SIPA1L3: variants seen among roughly 807,000 people sequenced by gnomAD.
The protein encoded by SIPA1L3 is signal-induced proliferation-associated 1-like protein 3.
A neutral mutation model predicts 150.1 loss-of-function variants in SIPA1L3; 59 were observed. The ratio of observed to expected loss-of-function variants is 0.39; its 90% CI spans 0.32 to 0.49. The LOEUF is 0.49. Among genes scored for constraint, SIPA1L3 ranks in the 20% least tolerant of loss-of-function variants. SIPA1L3 has a pLI of 0.86. For missense variants in SIPA1L3, 2,211 were observed against 2,489.5 expected (o/e 0.89, Z 2.38); for synonymous variants, 1,070 against 1,077.6 (o/e 0.99, Z 0.14).
At chr19:38,073,288 G>A (rs1317074888) in intron 2 of SIPA1L3, among the ~76,000 whole-genome samples, 1 of 152,168 alleles carries the variant, frequency 6.6e-6, no homozygotes, top group Non-Finnish European at 1.5e-5. Flanking sequence ...CAGCACAGGA[G>A]GGAGGCAGAG....
intron 4 of SIPA1L3, among the ~76,000 whole-genome samples, chr19:38,089,328 C>CAAA (rs55806031): frequency 7.8e-5 from 5 of 64,256 alleles, no homozygotes; most frequent in African/African-American, 1.5e-4. Flanking sequence ...GACTGTGTCT[C>CAAA]AAAAAAAAAA....
intron 15 of SIPA1L3, among the ~76,000 whole-genome samples, chr19:38,179,319 G>A (rs908518079): frequency 1.8e-4 from 27 of 152,288 alleles, no homozygotes; most frequent in South Asian, 4.1e-4. Context: ...GCATGCACCC[G>A]TAATCCCAGC....
intron 9 of SIPA1L3, among the ~76,000 whole-genome samples, chr19:38,126,948 T>C (rs533556214): frequency 1.3e-5 from 2 of 152,044 alleles, no homozygotes; most frequent in African/African-American, 4.8e-5. Context: ...ATCCCAGCAC[T>C]TTGGGAGGCC....
At chr19:38,016,071 C>T (rs1968226036) in intron 1 of SIPA1L3, among the ~76,000 whole-genome samples, 2 of 152,142 alleles carry the variant, frequency 1.3e-5, no homozygotes, top group African/African-American at 4.8e-5. Context: ...TCCATTGGCC[C>T]TGGACTTCAC....
chr19:37,949,941 G>A (rs2046747203), intron 1 of SIPA1L3, among the ~76,000 whole-genome samples: 1 of 151,940 alleles, frequency 6.6e-6, no homozygotes, highest in Admixed American at 6.6e-5. Context: ...CCTGGGCGTG[G>A]TGGTGCATGC....
intron 2 of SIPA1L3, among the ~76,000 whole-genome samples, chr19:38,039,896 G>A (rs532427467): frequency 5.9e-5 from 9 of 152,122 alleles, no homozygotes; most frequent in East Asian, 3.9e-4. Context: ...TAGGAGGATC[G>A]CCTGAGGCCA....
Position 37,914,374 on chromosome 19 carries a change from A to AT in SIPA1L3, c.-379+7030dup, listed in dbSNP as rs3049664. 2.7e-3 allele frequency among the ~76,000 whole-genome samples: 387 copies of AT among 144,438 alleles called. 1 individual carries two copies. Among genetic ancestry groups the AT allele is most frequent in the Middle Eastern group, 0.011 (3 of 282 alleles). 94.8% of individuals were successfully genotyped at this position (144,438 alleles called of 152,430 possible). On this transcript the variant is annotated intron_variant, in intron 1 of 21. Transcript: ENST00000222345. Reference sequence around the variant, plus strand: ...TAGTTTTCAAGTTGATACTACTTTAATTTTTTTTTTTTTTGTGGCAGGGTC... The same window carrying AT: ...TAGTTTTCAAGTTGATACTACTTTAATTTTTTTTTTTTTTTGTGGCAGGGTC...
chr19:38,097,801 G>A (rs1003741292), intron 4 of SIPA1L3, among the ~76,000 whole-genome samples: 4 of 152,192 alleles, frequency 2.6e-5, no homozygotes, highest in Admixed American at 2.6e-4. Flanking sequence ...CAGGTGATCT[G>A]CCCACCTCGG....
intron 11 of SIPA1L3, 101 bp downstream of exon 11, chr19:38,141,536 G>A (rs1971583087): frequency 3.1e-6 from 4 of 1,281,434 alleles, no homozygotes; most frequent in Middle Eastern, 2.5e-4. Context: ...CCTCTTCCTC[G>A]CCTCAAGCTT....
chr19:38,106,491 C>T, intron 6 of SIPA1L3, 46 bp from the exon 7 acceptor site: 2 of 1,342,318 alleles, frequency 1.5e-6, no homozygotes, highest in Non-Finnish European at 1.1e-6. Context: ...ATGGCAAAAA[C>T]CCAGAGGTTT....
intron 6 of SIPA1L3, among the ~76,000 whole-genome samples, chr19:38,105,525 A>G (rs1196144971): frequency 6.6e-6 from 1 of 152,190 alleles, no homozygotes. Context: ...CTTCCTAGCC[A>G]TAACCCTCCC....
Position 38,207,446 on chromosome 19 carries a change from A to G in SIPA1L3, c.*1206A>G, listed in dbSNP as rs528074090. ...AAAAGATATATATATATATATATATATATTTATTTTTTCATGTAGAGTTGG... is the reference window on the plus strand; with the variant it reads ...AAAAGATATATATATATATATATATGTATTTATTTTTTCATGTAGAGTTGG... On this transcript the variant is annotated 3_prime_UTR_variant, in exon 22 of 22. Coordinates refer to ENST00000222345, the MANE Select transcript of SIPA1L3 (RefSeq NM_015073.3). 3 of 148,040 alleles carry G rather than the reference A, an allele frequency of 2.0e-5. No individual in the cohort carries two copies. The highest frequency in any genetic ancestry group is 7.4e-5 in the African/African-American group (3 of 40,608). 9.2% of individuals were successfully genotyped at this position (148,040 alleles called of 1,614,324 possible). A position where few individuals can be genotyped will look rare whatever the true frequency, so the allele number is the denominator to read the frequency against.
chr19:37,949,540 C>CT (rs972205120), intron 1 of SIPA1L3, among the ~76,000 whole-genome samples: 31 of 152,120 alleles, frequency 2.0e-4, no homozygotes, highest in African/African-American at 7.2e-4. Context: ...TGGCGCACGC[C>CT]TGTAATCCCA....
chr19:38,080,957 G>A (rs1368105581), intron 2 of SIPA1L3, among the ~76,000 whole-genome samples: 2 of 143,734 alleles, frequency 1.4e-5, no homozygotes, highest in Admixed American at 7.2e-5. Context: ...GTGACAGAGC[G>A]AGACTCTGTC....
chr19:38,031,607 C>G (rs1432048763), intron 2 of SIPA1L3, among the ~76,000 whole-genome samples: 1 of 152,174 alleles, frequency 6.6e-6, no homozygotes, highest in Non-Finnish European at 1.5e-5. Flanking sequence ...TCTGTGACAT[C>G]AATGCATCAT....
chr19:38,086,636 TTGCACCAC>T (rs1267029076), intron 3 of SIPA1L3, among the ~76,000 whole-genome samples: 1 of 152,186 alleles, frequency 6.6e-6, no homozygotes, highest in African/African-American at 2.4e-5. Context: ...TGAGCCATGA[TTGCACCAC>T]TGCACTCCAG....
intron 1 of SIPA1L3, among the ~76,000 whole-genome samples, chr19:37,974,288 A>T (rs564235420): frequency 1.3e-5 from 2 of 152,208 alleles, no homozygotes; most frequent in Non-Finnish European, 2.9e-5. Flanking sequence ...TGGGAGGCCG[A>T]GGCAGGAGGA....
At chr19:38,110,898 G>A (rs1053909644) in intron 8 of SIPA1L3, among the ~76,000 whole-genome samples, 1 of 152,140 alleles carries the variant, frequency 6.6e-6, no homozygotes, top group African/African-American at 2.4e-5. Context: ...CCAGGCCTGG[G>A]CACTGGGCTT....
intron 1 of SIPA1L3, among the ~76,000 whole-genome samples, chr19:37,969,224 C>T (rs900470738): frequency 2.0e-5 from 3 of 151,844 alleles, no homozygotes; most frequent in South Asian, 2.1e-4. Context: ...TAAAGAGAGA[C>T]CCCATCTCTG....
Sources: allele counts gnomAD v4.1 joint callset (sites outside exome capture counted in the v4.1 genomes callset), GRCh38; gene constraint gnomAD v4.1.1; transcripts MANE v1.5; gene names NCBI Gene and HGNC (gene_info 2026-07-23, HGNC 2026-07-21).